Variants in CNTLN observed in about 807,000 individuals in gnomAD.
The protein encoded by CNTLN is centlein, centrosomal protein.
A neutral mutation model predicts 180.0 loss-of-function variants in CNTLN; 212 were observed. The observed-to-expected ratio is 1.18, with a 90% CI of 1.05 to 1.32. The LOEUF (loss-of-function observed/expected upper bound fraction) is 1.32, where lower values mean the gene tolerates loss of function less well. Ranked by LOEUF, CNTLN falls within the 40% of genes most tolerant of loss-of-function variation. The probability of loss-of-function intolerance (pLI) is 0.00; values close to 1 mark genes in which losing one functional copy is unlikely to be tolerated. For missense variants in CNTLN, 2,095 were observed against 1,610.9 expected (o/e 1.30, Z -5.14); for synonymous variants, 722 against 563.1 (o/e 1.28, Z -3.99).
At chr9:17,393,712 C>A (rs917145244) in intron 14 of CNTLN, among the ~76,000 whole-genome samples, 2 of 152,114 alleles carry the variant, frequency 1.3e-5, no homozygotes, top group Non-Finnish European at 2.9e-5. Context: ...ACTTTACAAA[C>A]AATAACACTT....
At chr9:17,295,981 AGAGAGAGAGAGAGAGAGT>A (rs1379742756) in intron 6 of CNTLN, among the ~76,000 whole-genome samples, 43 of 96,704 alleles carry the variant, frequency 4.4e-4, no homozygotes, top group African/African-American at 1.8e-3. Context: ...AGAGAGAGAG[AGAGAGAGAGAGAGAGAGT>A]GTGTGTGTGT....
At chr9:17,184,780 G>A (rs1367753735) in intron 2 of CNTLN, among the ~76,000 whole-genome samples, 1 of 152,154 alleles carries the variant, frequency 6.6e-6, no homozygotes, top group Non-Finnish European at 1.5e-5. Context: ...TAACCCCTTT[G>A]AAATGAACAC....
intron 1 of CNTLN, among the ~76,000 whole-genome samples, chr9:17,137,316 A>G (rs1465113273): frequency 6.6e-6 from 1 of 152,216 alleles, no homozygotes; most frequent in African/African-American, 2.4e-5. Context: ...CTCTTCGGGA[A>G]TCTTGGGGAA....
intron 3 of CNTLN, among the ~76,000 whole-genome samples, chr9:17,231,158 A>G (rs1355677654): frequency 5.9e-5 from 9 of 152,112 alleles, no homozygotes; most frequent in Non-Finnish European, 1.3e-4. Flanking sequence ...CAAGTTCCTT[A>G]TATGCTGGAC....
At chr9:17,294,641 C>T (rs1817673727) in intron 6 of CNTLN, among the ~76,000 whole-genome samples, 1 of 149,438 alleles carries the variant, frequency 6.7e-6, no homozygotes, top group African/African-American at 2.5e-5. Flanking sequence ...CGCACAGGGG[C>T]CACAGGTGGA....
chr9:17,347,636 T>C (rs1822005113), intron 12 of CNTLN, among the ~76,000 whole-genome samples: 1 of 137,774 alleles, frequency 7.3e-6, no homozygotes, highest in Non-Finnish European at 1.5e-5. Flanking sequence ...GCCATTGCAC[T>C]CCAACCTGGG....
intron 2 of CNTLN, among the ~76,000 whole-genome samples, chr9:17,212,245 T>A (rs1485316259): frequency 6.6e-6 from 1 of 152,206 alleles, no homozygotes; most frequent in Non-Finnish European, 1.5e-5. Context: ...ACCTAATTTA[T>A]TGAGAGTTTT....
chr9:17,164,928 C>T (rs1164480088), intron 2 of CNTLN, among the ~76,000 whole-genome samples: 4 of 150,748 alleles, frequency 2.7e-5, no homozygotes, highest in African/African-American at 9.8e-5. Context: ...CTCTGCCACC[C>T]GAGTTCAAGT....
intron 5 of CNTLN, among the ~76,000 whole-genome samples, chr9:17,271,661 C>T (rs144918200): frequency 7.2e-5 from 11 of 152,248 alleles, no homozygotes; most frequent in African/African-American, 1.7e-4. Flanking sequence ...CACCTCTTTG[C>T]TCCCAGGCCA....
intron 13 of CNTLN, among the ~76,000 whole-genome samples, chr9:17,380,871 C>G (rs1366074804): frequency 2.0e-5 from 3 of 152,170 alleles, no homozygotes; most frequent in Non-Finnish European, 4.4e-5. Flanking sequence ...TGGTCCAGCT[C>G]TGTTTCAGGC....
the CNTLN span, among the ~76,000 whole-genome samples, chr9:17,526,418 G>T: frequency 6.6e-6 from 1 of 152,126 alleles, no homozygotes; most frequent in Admixed American, 6.5e-5. Flanking sequence ...AAATTATAAA[G>T]TTTAACTTCT....
intron 3 of CNTLN, among the ~76,000 whole-genome samples, chr9:17,227,545 C>G (rs1824550050): frequency 6.6e-6 from 1 of 151,736 alleles, no homozygotes; most frequent in Admixed American, 6.6e-5. Context: ...TGGGAGGTAC[C>G]TTTTTGGCAA....
chr9:17,189,890 T>C (rs954986430), intron 2 of CNTLN, among the ~76,000 whole-genome samples: 4 of 152,082 alleles, frequency 2.6e-5, no homozygotes, highest in African/African-American at 9.7e-5. Flanking sequence ...GTAAGTCCTC[T>C]CTTACCTTTA....
intron 6 of CNTLN, among the ~76,000 whole-genome samples, chr9:17,278,377 A>G (rs1828451114): frequency 6.6e-6 from 1 of 152,160 alleles, no homozygotes; most frequent in Non-Finnish European, 1.5e-5. Flanking sequence ...GTATGTTAGT[A>G]GCACATAAAA....
chr9:17,225,828 T>G (rs944430838), intron 2 of CNTLN, among the ~76,000 whole-genome samples: 31 of 151,990 alleles, frequency 2.0e-4, no homozygotes, highest in African/African-American at 6.8e-4. Context: ...TCTCTGTCAC[T>G]CTCTCTTTTG....
intron 2 of CNTLN, among the ~76,000 whole-genome samples, chr9:17,213,627 C>CCA (rs1823497944): frequency 6.6e-6 from 1 of 152,044 alleles, no homozygotes; most frequent in Non-Finnish European, 1.5e-5. Flanking sequence ...CTTTCTGACT[C>CCA]GTTGGTCTGT....
chr9:17,191,666 G>A (rs1821796469), intron 2 of CNTLN, among the ~76,000 whole-genome samples: 1 of 152,174 alleles, frequency 6.6e-6, no homozygotes, highest in African/African-American at 2.4e-5. Flanking sequence ...ATGGAAAAAT[G>A]CTTACAGCAG....
intron 18 of CNTLN, among the ~76,000 whole-genome samples, chr9:17,435,171 C>T (rs894802549): frequency 9.2e-5 from 14 of 152,134 alleles, no homozygotes; most frequent in Admixed American, 4.6e-4. Context: ...TGCTTTACCT[C>T]GGTTCTGGAG....
intron 2 of CNTLN, among the ~76,000 whole-genome samples, chr9:17,197,139 A>T (rs1039353374): frequency 3.9e-5 from 6 of 152,188 alleles, no homozygotes; most frequent in South Asian, 2.1e-4. Context: ...AATAAAAATA[A>T]TAATAGGGCC....
Sources: gnomAD v4.1 joint callset for allele counts (sites outside exome capture counted in the v4.1 genomes callset) on GRCh38, gnomAD v4.1.1 for gene constraint, MANE v1.5 for transcripts, NCBI Gene and HGNC (gene_info 2026-07-23, HGNC 2026-07-21) for gene names.